Variants in MDGA2 observed in about 807,000 individuals in gnomAD.
The protein encoded by MDGA2 is MAM domain-containing glycosylphosphatidylinositol anchor protein 2.
Under a neutral mutation model 117.8 loss-of-function variants are expected in MDGA2, and 40 were observed. The ratio of observed to expected loss-of-function variants is 0.34; its 90% CI spans 0.26 to 0.44. The LOEUF is 0.44. Ranked by LOEUF, MDGA2 falls within the 20% of genes least tolerant of loss-of-function variation. MDGA2 has a pLI of 1.00. For synonymous variants in MDGA2, 452 were observed against 439.0 expected, an observed-to-expected ratio of 1.03 and a Z score of -0.37; for missense variants, 1,123 against 1,250.6, an observed-to-expected ratio of 0.90 and a Z score of 1.54.
chr14:47,304,739 G>C (rs766799743), intron 1 of MDGA2, among the ~76,000 whole-genome samples: 18 of 152,030 alleles, frequency 1.2e-4, no homozygotes, highest in Non-Finnish European at 2.4e-4. Context: ...GTGGCATTTA[G>C]GCCCTCTGTC....
intron 3 of MDGA2, among the ~76,000 whole-genome samples, chr14:47,166,487 T>C (rs1883883045): frequency 6.6e-6 from 1 of 152,190 alleles, no homozygotes; most frequent in South Asian, 2.1e-4. Flanking sequence ...GAAACATAAT[T>C]GCATTTCTTT....
intron 8 of MDGA2, among the ~76,000 whole-genome samples, chr14:47,010,364 A>T (rs927226688): frequency 9.9e-5 from 15 of 152,018 alleles, no homozygotes; most frequent in African/African-American, 3.4e-4. Context: ...GATATAAAAA[A>T]ATAACATAAA....
At chr14:47,181,923 T>C (rs188026589) in intron 3 of MDGA2, among the ~76,000 whole-genome samples, 60 of 152,318 alleles carry the variant, frequency 3.9e-4, no homozygotes, top group African/African-American at 1.4e-3. Flanking sequence ...GTAATTTTAT[T>C]CATATTTATA....
intron 1 of MDGA2, among the ~76,000 whole-genome samples, chr14:47,670,921 A>G (rs1358154885): frequency 6.6e-6 from 1 of 152,186 alleles, no homozygotes; most frequent in Non-Finnish European, 1.5e-5. Context: ...ATTGCCAAAT[A>G]TATATGTCAA....
At chr14:46,962,715 A>G (rs1357266744) in intron 8 of MDGA2, among the ~76,000 whole-genome samples, 1 of 152,198 alleles carries the variant, frequency 6.6e-6, no homozygotes, top group East Asian at 1.9e-4. Context: ...CTGATTGTCA[A>G]GGGAAAAAAT....
intron 1 of MDGA2, among the ~76,000 whole-genome samples, chr14:47,540,954 A>G (rs569756924): frequency 6.6e-6 from 1 of 152,238 alleles, no homozygotes; most frequent in East Asian, 1.9e-4. Context: ...TTTCTTCACT[A>G]TATTATATTT....
At chr14:47,094,092 C>G (rs1879824068) in intron 6 of MDGA2, among the ~76,000 whole-genome samples, 1 of 151,124 alleles carries the variant, frequency 6.6e-6, no homozygotes, top group Non-Finnish European at 1.5e-5. Flanking sequence ...AAATCAGATG[C>G]CTCATATTAT....
intron 1 of MDGA2, among the ~76,000 whole-genome samples, chr14:47,426,143 G>A (rs1892684058): frequency 6.6e-6 from 1 of 151,954 alleles, no homozygotes; most frequent in African/African-American, 2.4e-5. Context: ...ACATTTTGGC[G>A]GGGATACATT....
At chr14:46,844,550 C>T (rs1201511047) in intron 16 of MDGA2, among the ~76,000 whole-genome samples, 1 of 150,790 alleles carries the variant, frequency 6.6e-6, no homozygotes, top group Non-Finnish European at 1.5e-5. Context: ...TGTTGCACTC[C>T]AGCCTGGGCA....
chr14:46,899,704 C>T (rs1422109840), intron 10 of MDGA2, among the ~76,000 whole-genome samples: 1 of 151,784 alleles, frequency 6.6e-6, no homozygotes, highest in Non-Finnish European at 1.5e-5. Context: ...CTCAAGGAAA[C>T]AGAAGTGATT....
chr14:47,360,278 G>A (rs576270968), intron 1 of MDGA2, among the ~76,000 whole-genome samples: 1 of 152,078 alleles, frequency 6.6e-6, no homozygotes, highest in African/African-American at 2.4e-5. Flanking sequence ...TTCAACCTGG[G>A]AGGCGGAGGT....
chr14:46,841,780 T>A lies in MDGA2; in HGVS notation c.*151A>T. The A allele has an allele frequency of 1.9e-6, 1 of 514,334 alleles. No individual in the cohort carries two copies. The allele number at this position is 514,334 out of a possible 1,614,324, so 31.9% of individuals were successfully genotyped here. A position where few individuals can be genotyped will look rare whatever the true frequency, so the allele number is the denominator to read the frequency against. ...TTCCATGATGTCTTTTTATCCCCAG[T>A]GCTTAAAAAAATTTGTTTTTATTAT... is the stretch of plus-strand genomic sequence containing the variant. On this transcript the variant is annotated 3_prime_UTR_variant, in exon 17 of 17. Transcript: ENST00000399232.
intron 1 of MDGA2, among the ~76,000 whole-genome samples, chr14:47,328,112 C>G (rs973747223): frequency 2.0e-5 from 3 of 152,160 alleles, no homozygotes; most frequent in Non-Finnish European, 2.9e-5. Flanking sequence ...CACTCTCTTT[C>G]TGAAGCTTCT....
intron 5 of MDGA2, among the ~76,000 whole-genome samples, chr14:47,107,922 T>C (rs1880811777): frequency 6.6e-6 from 1 of 151,756 alleles, no homozygotes; most frequent in East Asian, 1.9e-4. Context: ...CAGTCATCTC[T>C]TCCGTTCTGT....
chr14:47,361,575 A>G (rs949437962), intron 1 of MDGA2, among the ~76,000 whole-genome samples: 2 of 152,018 alleles, frequency 1.3e-5, no homozygotes, highest in African/African-American at 4.8e-5. Flanking sequence ...TCACCCCCAA[A>G]TAACTAACTC....
chr14:47,129,621 TG>T (rs879272519), intron 5 of MDGA2, among the ~76,000 whole-genome samples: 3,014 of 150,644 alleles, frequency 0.02, 86 homozygotes, highest in Admixed American at 0.11. Flanking sequence ...ATGGGATGGC[TG>T]GGTCAAATGG....
intron 8 of MDGA2, among the ~76,000 whole-genome samples, chr14:47,026,320 C>A (rs1262268774): frequency 6.6e-6 from 1 of 152,086 alleles, no homozygotes; most frequent in Non-Finnish European, 1.5e-5. Flanking sequence ...TTGGCTTTAT[C>A]ATGCATTAAT....
intron 1 of MDGA2, among the ~76,000 whole-genome samples, chr14:47,512,787 G>C (rs998979203): frequency 2.0e-5 from 3 of 152,000 alleles, no homozygotes; most frequent in Admixed American, 2.0e-4. Flanking sequence ...CTTTGAGCTA[G>C]ATGAAAGAAT....
At position 47,209,494 on chromosome 14, in the gene MDGA2, A is replaced by C. The variant is rs1885806372; in HGVS notation, c.595+8527T>G. ...TATTTGTGAGATTCTGGAAGACTCCAGTAGGTGCTCTGTGAATGCATCTTA... is the reference window on the plus strand; with the variant it reads ...TATTTGTGAGATTCTGGAAGACTCCCGTAGGTGCTCTGTGAATGCATCTTA... On this transcript the variant is annotated intron_variant, in intron 3 of 16. Coordinates refer to ENST00000399232, the MANE Select transcript of MDGA2 (RefSeq NM_001113498.3). Among the ~76,000 whole-genome samples the C allele has an allele frequency of 3.9e-5, 6 of 152,332 alleles. No individual in the cohort carries two copies. In the South Asian group the frequency reaches 1.2e-3, roughly 32 times the overall value.
Sources: allele counts gnomAD v4.1 joint callset (sites outside exome capture counted in the v4.1 genomes callset), GRCh38; gene constraint gnomAD v4.1.1; transcripts MANE v1.5; gene names NCBI Gene and HGNC (gene_info 2026-07-23, HGNC 2026-07-21).